Variants in CFAP61 observed in about 807,000 individuals in gnomAD.
CFAP61 encodes cilia- and flagella-associated protein 61.
Under a neutral mutation model 135.6 loss-of-function variants are expected in CFAP61, and 107 were observed. The observed-to-expected ratio is 0.79, with a 90% CI of 0.67 to 0.93. The LOEUF (loss-of-function observed/expected upper bound fraction) is 0.93. CFAP61 is among the 40% of genes least tolerant of loss of function. CFAP61 has a pLI of 0.00. For missense variants in CFAP61, 1,507 were observed against 1,556.2 expected (o/e 0.97, Z 0.53); for synonymous variants, 575 against 578.5 (o/e 0.99, Z 0.09).
chr20:20,138,935 A>G (rs2146740408), intron 8 of CFAP61, among the ~76,000 whole-genome samples: 1 of 152,248 alleles, frequency 6.6e-6, no homozygotes, highest in Non-Finnish European at 1.5e-5. Flanking sequence ...CTCTGTTTTA[A>G]TAACTATGTC....
At chr20:20,216,286 C>T (rs1434349860) in intron 17 of CFAP61, among the ~76,000 whole-genome samples, 1 of 152,198 alleles carries the variant, frequency 6.6e-6, no homozygotes, top group Non-Finnish European at 1.5e-5. Flanking sequence ...ATTAAAAGTA[C>T]GTGACCTATC....
At chr20:20,321,941 G>C (rs2057537006) in intron 25 of CFAP61, among the ~76,000 whole-genome samples, 1 of 152,194 alleles carries the variant, frequency 6.6e-6, no homozygotes, top group African/African-American at 2.4e-5. Flanking sequence ...AGGCCATGCA[G>C]TGTCCAACTT....
At chr20:20,122,111 TC>T in intron 8 of CFAP61, among the ~76,000 whole-genome samples, 1 of 151,396 alleles carries the variant, frequency 6.6e-6, no homozygotes, top group East Asian at 2.0e-4. Flanking sequence ...CTCCCAGCTT[TC>T]CCCCCAAGTC....
At chr20:20,356,496 G>A (rs1266659516) in intron 26 of CFAP61, among the ~76,000 whole-genome samples, 86 of 142,776 alleles carry the variant, frequency 6.0e-4, no homozygotes, top group Admixed American at 9.6e-4. Flanking sequence ...ACAGTGTGAG[G>A]GGAGATGGTC....
intron 19 of CFAP61, among the ~76,000 whole-genome samples, chr20:20,250,870 C>T (rs2050829082): frequency 6.6e-6 from 1 of 152,142 alleles, no homozygotes; most frequent in South Asian, 2.1e-4. Flanking sequence ...CAAGAGAGCC[C>T]AGAAAATGGA....
chr20:20,284,348 C>T (rs1049673078), intron 22 of CFAP61, among the ~76,000 whole-genome samples: 12 of 151,588 alleles, frequency 7.9e-5, no homozygotes, highest in African/African-American at 1.9e-4. Context: ...TACAGTGGCT[C>T]GATCTCAGCT....
intron 6 of CFAP61, among the ~76,000 whole-genome samples, chr20:20,078,669 A>T (rs1209158679): frequency 6.6e-6 from 1 of 152,148 alleles, no homozygotes; most frequent in Non-Finnish European, 1.5e-5. Flanking sequence ...CCAGGGCAGA[A>T]CTTTGAAAGA....
At chr20:20,209,910 C>T (rs1259428936) in intron 17 of CFAP61, among the ~76,000 whole-genome samples, 1 of 151,684 alleles carries the variant, frequency 6.6e-6, no homozygotes, top group East Asian at 1.9e-4. Context: ...GCAAAGTCAC[C>T]CCTTGTCCTG....
chr20:20,326,763 T>A (rs566218058), intron 25 of CFAP61, among the ~76,000 whole-genome samples: 1 of 152,198 alleles, frequency 6.6e-6, no homozygotes, highest in Admixed American at 6.5e-5. Flanking sequence ...ACATTATAAG[T>A]TGGCTTGATA....
At chr20:20,339,267 A>G (rs971918143) in intron 25 of CFAP61, among the ~76,000 whole-genome samples, 2 of 152,118 alleles carry the variant, frequency 1.3e-5, no homozygotes, top group African/African-American at 2.4e-5. Context: ...AAAATTCACA[A>G]TATTCATGGA....
In CFAP61 at chr20:20,199,872, C is replaced by G. The variant is rs574432469; in HGVS notation, c.1902C>G (p.Asn634Lys). ...IVYPLEKLGI[N>K]APSKAVSKDP... Reference sequence around the variant, plus strand: ...ATCCTCTGGAAAAGCTTGGCATAAACGCTCCATCAAAGGCGGTCTCCAAGG... The same window carrying G: ...ATCCTCTGGAAAAGCTTGGCATAAAGGCTCCATCAAAGGCGGTCTCCAAGG... Residue 634 changes from asparagine (N) to lysine (K), a missense_variant, in exon 17 of 27, where the codon AAC becomes AAG. Physicochemically the swap from Asn to Lys is moderately conservative, Grantham distance 94 (BLOSUM62 0). Coordinates refer to ENST00000245957, the MANE Select transcript of CFAP61 (RefSeq NM_015585.4). 4 of 1,614,190 alleles carry G rather than the reference C, an allele frequency of 2.5e-6. No homozygotes were observed. The highest frequency in any genetic ancestry group is 1.7e-5 in the Admixed American group (1 of 60,018).
At position 20,192,057 on chromosome 20, in the gene CFAP61, G is replaced by GT. The variant is rs1432922311; in HGVS notation, c.1590+644dup. Among the ~76,000 whole-genome samples the GT allele has an allele frequency of 4.6e-5, 7 of 151,896 alleles. No individual in the cohort carries two copies. In the South Asian group the frequency reaches 1.5e-3, roughly 32 times the overall value. On this transcript the variant is annotated intron_variant, in intron 15 of 26. Coordinates refer to ENST00000245957, the MANE Select transcript of CFAP61 (RefSeq NM_015585.4). ...CATTTGGTGTCTTCTAAATTTTCTT[G>GT]TTTTTTGTTCTTGGTTATTTCCTCT... is the stretch of plus-strand genomic sequence containing the variant.
chr20:20,077,768 A>G (rs984516649), intron 6 of CFAP61, among the ~76,000 whole-genome samples: 1 of 152,226 alleles, frequency 6.6e-6, no homozygotes, highest in African/African-American at 2.4e-5. Flanking sequence ...GGGTTTATCT[A>G]AAGACCTGGA....
At chr20:20,207,167 C>T (rs1258105024) in intron 17 of CFAP61, among the ~76,000 whole-genome samples, 1 of 152,200 alleles carries the variant, frequency 6.6e-6, no homozygotes, top group East Asian at 1.9e-4. Context: ...GTGTGGACAT[C>T]TAAGAGAGCT....
intron 25 of CFAP61, among the ~76,000 whole-genome samples, chr20:20,337,112 T>G (rs557493140): frequency 6.6e-6 from 1 of 152,158 alleles, no homozygotes; most frequent in South Asian, 2.1e-4. Flanking sequence ...CGTGGAAGCA[T>G]AGGGAAGGAA....
intron 26 of CFAP61, among the ~76,000 whole-genome samples, chr20:20,356,551 TGAGGGGAGGTGGTCATAGTGTGA>T (rs2059182931): frequency 5.7e-5 from 5 of 87,406 alleles, no homozygotes; most frequent in Admixed American, 1.3e-4. Context: ...GTGGTCACAC[TGAGGGGAGGTGGTCATAGTGTGA>T]GGGGAGGTGG....
intron 12 of CFAP61, 44 bp downstream of exon 12, chr20:20,166,480 A>G (rs1569046243): frequency 6.8e-7 from 1 of 1,479,194 alleles, no homozygotes. Context: ...GTAAGCTTAG[A>G]GAACTTATAG....
chr20:20,200,651 C>G (rs1404476635), intron 17 of CFAP61: 10 of 978,902 alleles, frequency 1.0e-5, no homozygotes, highest in Non-Finnish European at 1.2e-5. Context: ...AAAAAAAATC[C>G]CTCAGTGGGC....
chr20:20,340,723 T>C (rs1457413239), intron 25 of CFAP61, among the ~76,000 whole-genome samples: 1 of 152,104 alleles, frequency 6.6e-6, no homozygotes, highest in Non-Finnish European at 1.5e-5. Flanking sequence ...GGAGCTCCGA[T>C]GGTGCCATGG....
Sources: allele counts gnomAD v4.1 joint callset (sites outside exome capture counted in the v4.1 genomes callset), GRCh38; gene constraint gnomAD v4.1.1; transcripts MANE v1.5; gene names NCBI Gene and HGNC (gene_info 2026-07-23, HGNC 2026-07-21).